Variants in HSD17B2 observed in about 807,000 individuals in gnomAD.
The protein encoded by HSD17B2 is hydroxysteroid 17-beta dehydrogenase 2, also known as 17-beta-hydroxysteroid dehydrogenase type 2.
HSD17B2 carries 32 observed loss-of-function variants against 26.9 expected under a neutral mutation model. The ratio of observed to expected loss-of-function variants is 1.19; its 90% CI spans 0.90 to 1.60. HSD17B2 has a LOEUF of 1.60. Among genes scored for constraint, HSD17B2 ranks in the 40% most tolerant of loss-of-function variants. The pLI, the probability that HSD17B2 is intolerant of heterozygous loss-of-function variation, is 0.00. For synonymous variants in HSD17B2, 246 were observed against 186.7 expected, an observed-to-expected ratio of 1.32 and a Z score of -2.59; for missense variants, 613 against 468.6, an observed-to-expected ratio of 1.31 and a Z score of -2.85.
intron 3 of HSD17B2, among the ~76,000 whole-genome samples, chr16:82,081,309 CCTT>C (rs1487685575): frequency 6.6e-6 from 1 of 152,200 alleles, no homozygotes. Flanking sequence ...TCTCCTCTCT[CCTT>C]CTGTTGTCAC....
chr16:82,066,580 G>A (rs1914577560), intron 1 of HSD17B2, among the ~76,000 whole-genome samples: 1 of 152,098 alleles, frequency 6.6e-6, no homozygotes, highest in Non-Finnish European at 1.5e-5. Flanking sequence ...TACAAGATAA[G>A]GTCCACCCTC....
chr16:82,088,098 C>G (rs1010163226), intron 3 of HSD17B2, among the ~76,000 whole-genome samples: 1 of 152,156 alleles, frequency 6.6e-6, no homozygotes, highest in Non-Finnish European at 1.5e-5. Flanking sequence ...CTCTAATGTT[C>G]AAGGTTTAAT....
chr16:82,074,745 T>C (rs564543964), intron 3 of HSD17B2, among the ~76,000 whole-genome samples: 35 of 152,298 alleles, frequency 2.3e-4, no homozygotes, highest in African/African-American at 7.9e-4. Context: ...CTCAATACAT[T>C]AGTAGCTGGA....
intron 1 of HSD17B2, among the ~76,000 whole-genome samples, chr16:82,059,513 G>A (rs1175178181): frequency 6.6e-6 from 1 of 152,204 alleles, no homozygotes; most frequent in African/African-American, 2.4e-5. Flanking sequence ...AGTCTCTGGG[G>A]ATGGGCATTG....
chr16:82,045,427 T>C (rs1368118235), intron 1 of HSD17B2, among the ~76,000 whole-genome samples: 1 of 152,256 alleles, frequency 6.6e-6, no homozygotes, highest in African/African-American at 2.4e-5. Context: ...AGTGGAATCA[T>C]GATTGATATC....
chr16:82,093,766 G>A (rs554877147), intron 4 of HSD17B2: 1 of 152,214 alleles, frequency 6.6e-6, no homozygotes, highest in South Asian at 2.1e-4. Context: ...TACTTCTTAG[G>A]CAGAGCAGCA....
chr16:82,035,788 G>C, intron 1 of HSD17B2, 99 bp downstream of exon 1: 7 of 1,282,670 alleles, frequency 5.5e-6, no homozygotes, highest in Non-Finnish European at 7.6e-6. Flanking sequence ...TAAAATACTT[G>C]GCATGGAGTA....
chr16:82,098,179 C>G lies in HSD17B2; in HGVS notation c.907C>G (p.Gln303Glu), dbSNP rs2061027388. 1 of 1,614,134 alleles carries G rather than the reference C, an allele frequency of 6.2e-7. No homozygotes were observed. Among genetic ancestry groups the G allele is most frequent in the Non-Finnish European group, 8.5e-7 (1 of 1,180,008 alleles). ...CTACGGCCAGGACTACATCTTAGCA[C>G]AGCGGAATTTCCTCCTATTGATCAA... ...EDYGQDYILA[Q>E]RNFLLLINSL... Residue 303 changes from glutamine (Q) to glutamate (E), a missense_variant, in exon 5 of 5, where the codon CAG becomes GAG. Gln to Glu is a conservative substitution (Grantham distance 29, BLOSUM62 2). Coordinates refer to ENST00000199936, the MANE Select transcript of HSD17B2 (RefSeq NM_002153.3).
chr16:82,082,297 T>C (rs1394644961), intron 3 of HSD17B2, among the ~76,000 whole-genome samples: 1 of 152,098 alleles, frequency 6.6e-6, no homozygotes, highest in Non-Finnish European at 1.5e-5. Flanking sequence ...TGCCTCTCAT[T>C]TGGGCAGAGG....
intron 1 of HSD17B2, among the ~76,000 whole-genome samples, chr16:82,049,148 T>C (rs1914028783): frequency 6.6e-6 from 1 of 152,184 alleles, no homozygotes; most frequent in Non-Finnish European, 1.5e-5. Flanking sequence ...TCTCAAGCAA[T>C]TGTTCTTTAC....
chr16:82,065,989 G>T (rs2143972961), intron 1 of HSD17B2, among the ~76,000 whole-genome samples: 1 of 152,350 alleles, frequency 6.6e-6, no homozygotes, highest in South Asian at 2.1e-4. Flanking sequence ...GCAGTCTGGT[G>T]AACTTGCCAG....
At chr16:82,081,092 C>T (rs764670880) in intron 3 of HSD17B2, among the ~76,000 whole-genome samples, 39 of 152,214 alleles carry the variant, frequency 2.6e-4, no homozygotes, top group African/African-American at 9.4e-4. Flanking sequence ...ATAACCAGCA[C>T]GTTCATATCA....
At chr16:82,076,669 G>A (rs766182565) in intron 3 of HSD17B2, among the ~76,000 whole-genome samples, 3 of 152,202 alleles carry the variant, frequency 2.0e-5, no homozygotes, top group Non-Finnish European at 4.4e-5. Context: ...CCACCTCCTG[G>A]ATTTAGGTGA....
chr16:82,060,273 C>T, intron 1 of HSD17B2, among the ~76,000 whole-genome samples: 1 of 152,172 alleles, frequency 6.6e-6, no homozygotes, highest in Middle Eastern at 3.2e-3. Flanking sequence ...ATTCAGATGA[C>T]CTTTGTAAGT....
rs373965697 is a variant in HSD17B2, at chr16:82,068,296, G to A, written c.392G>A (p.Arg131His). 5.6e-5 allele frequency: 91 copies of A among 1,613,958 alleles called. No homozygotes were observed. Among genetic ancestry groups the A allele is most frequent in the East Asian group, 1.1e-4 (5 of 44,878 alleles). Residue 131 changes from arginine (R) to histidine (H), a missense_variant, in exon 2 of 5, where the codon CGC becomes CAC. Transcript: ENST00000199936. ...GAATTGCGAAGAACCTGCTCTCCGC[G>A]CCTCTCGGTGCTCCAAATGGACATC... Reference protein sequence around the residue: ...AEELRRTCSPRLSVLQMDITK... With the variant: ...AEELRRTCSPHLSVLQMDITK...
chr16:82,054,208 G>GAAAAA (rs74264895), intron 1 of HSD17B2, among the ~76,000 whole-genome samples: 1 of 85,704 alleles, frequency 1.2e-5, no homozygotes. Context: ...CCCACATATC[G>GAAAAA]AAAAAAAAAA....
intron 1 of HSD17B2, among the ~76,000 whole-genome samples, chr16:82,047,450 C>G (rs1324377627): frequency 1.3e-5 from 2 of 152,202 alleles, no homozygotes; most frequent in African/African-American, 2.4e-5. Context: ...GTGCCTGGTA[C>G]TGGGAATATA....
intron 3 of HSD17B2, among the ~76,000 whole-genome samples, chr16:82,081,526 G>A (rs576238847): frequency 2.0e-5 from 3 of 152,222 alleles, no homozygotes; most frequent in East Asian, 3.9e-4. Flanking sequence ...TGGAAAACCC[G>A]AGGTCCTATA....
chr16:82,067,004 G>C (rs1914587234), intron 1 of HSD17B2, among the ~76,000 whole-genome samples: 1 of 152,166 alleles, frequency 6.6e-6, no homozygotes, highest in Non-Finnish European at 1.5e-5. Context: ...TCAAAAGATA[G>C]GCCAATTCAC....
Sources: allele counts gnomAD v4.1 joint callset (sites outside exome capture counted in the v4.1 genomes callset), GRCh38; gene constraint gnomAD v4.1.1; transcripts MANE v1.5; gene names NCBI Gene and HGNC (gene_info 2026-07-23, HGNC 2026-07-21).